ZNF385B: variants seen among roughly 807,000 people sequenced by gnomAD.
The protein encoded by ZNF385B is zinc finger protein 385B, also known as zinc finger protein 533.
Under a neutral mutation model 39.2 loss-of-function variants are expected in ZNF385B, and 23 were observed. The observed-to-expected ratio is 0.59, with a 90% confidence interval of 0.42 to 0.83. The LOEUF (loss-of-function observed/expected upper bound fraction) is 0.83, where lower values mean the gene tolerates loss of function less well. Among genes scored for constraint, ZNF385B ranks in the 40% least tolerant of loss-of-function variants. ZNF385B has a pLI of 0.00. For missense variants in ZNF385B, 552 were observed against 598.9 expected (o/e 0.92, Z 0.82); for synonymous variants, 205 against 222.6 (o/e 0.92, Z 0.70).
chr2:179,712,257 A>G (rs1329016084), intron 3 of ZNF385B, among the ~76,000 whole-genome samples: 1 of 152,192 alleles, frequency 6.6e-6, no homozygotes, highest in Non-Finnish European at 1.5e-5. Flanking sequence ...TCAAAATTTC[A>G]TAGTAAACTT....
chr2:179,785,695 C>T (rs1254476513), intron 1 of ZNF385B, among the ~76,000 whole-genome samples: 2 of 152,132 alleles, frequency 1.3e-5, no homozygotes, highest in Non-Finnish European at 2.9e-5. Flanking sequence ...TGTGACTGAA[C>T]TGCTACAATC....
intron 6 of ZNF385B, among the ~76,000 whole-genome samples, chr2:179,472,491 C>A (rs1354590429): frequency 6.6e-6 from 1 of 152,164 alleles, no homozygotes; most frequent in South Asian, 2.1e-4. Flanking sequence ...GATAGAAGTT[C>A]ATATATTTCA....
At chr2:179,710,071 G>T (rs1699891997) in intron 3 of ZNF385B, among the ~76,000 whole-genome samples, 1 of 152,178 alleles carries the variant, frequency 6.6e-6, no homozygotes, top group African/African-American at 2.4e-5. Flanking sequence ...CAGTGGGGCT[G>T]ATTGAATGGA....
chr2:179,510,073 C>T (rs1559371267), intron 5 of ZNF385B, among the ~76,000 whole-genome samples: 1 of 152,154 alleles, frequency 6.6e-6, no homozygotes, highest in Non-Finnish European at 1.5e-5. Flanking sequence ...TATACATACA[C>T]TTTATATGAA....
intron 4 of ZNF385B, among the ~76,000 whole-genome samples, chr2:179,544,482 T>C (rs1039517008): frequency 2.0e-5 from 3 of 151,894 alleles, no homozygotes; most frequent in African/African-American, 7.3e-5. Flanking sequence ...GAAAAATCAA[T>C]GAGTCTTGGT....
intron 3 of ZNF385B, among the ~76,000 whole-genome samples, chr2:179,666,020 G>A (rs952292711): frequency 1.3e-5 from 2 of 152,150 alleles, no homozygotes; most frequent in Non-Finnish European, 2.9e-5. Context: ...TATATTCAGA[G>A]GGAGATGGAC....
rs371958237 is a variant in ZNF385B, at chr2:179,443,407, G to C, written c.1304C>G (p.Pro435Arg). The C allele has an allele frequency of 8.1e-6, 13 of 1,611,864 alleles. No individual in the cohort carries two copies. The highest frequency in any genetic ancestry group is 4.0e-5 in the African/African-American group (3 of 74,886). Reference protein sequence around the residue: ...KPLAPAFLSSPLAAAAAVSSA... With the variant: ...KPLAPAFLSSRLAAAAAVSSA... The stretch of plus-strand genomic sequence containing the variant: ...GGACACGGCTGCCGCCGCTGCGAGA[G>C]GTGAGGACAGGAAGGCTGGGGCCAA... The change falls in exon 10 of 10, where the codon CCT becomes CGT. Residue 435 changes from proline (P) to arginine (R), a missense_variant. By Grantham distance (103) the Pro-to-Arg change is moderately radical. Transcript: ENST00000410066.
At chr2:179,799,698 G>A (rs1019649035) in intron 1 of ZNF385B, among the ~76,000 whole-genome samples, 1 of 152,032 alleles carries the variant, frequency 6.6e-6, no homozygotes, top group African/African-American at 2.4e-5. Context: ...CAATGCCAGA[G>A]TACTATTGTG....
Position 179,445,707 on chromosome 2 carries a change from A to G in ZNF385B, c.983T>C (p.Val328Ala). 4 of 1,612,222 alleles carry G rather than the reference A, an allele frequency of 2.5e-6. No individual in the cohort carries two copies. Among genetic ancestry groups the G allele is most frequent in the Non-Finnish European group, 3.4e-6 (4 of 1,179,310 alleles). ...HNTGSKHKTM[V>A]EARNGAGPIK... Reference sequence around the variant, plus strand: ...TGGACCAGCCCCATTACGAGCTTCAACCATGGTCTTGTGTTTAGATCCTAA... The same window carrying G: ...TGGACCAGCCCCATTACGAGCTTCAGCCATGGTCTTGTGTTTAGATCCTAA... The change falls in exon 8 of 10, where the codon GTT (valine) becomes GCT (alanine). Residue 328 changes from valine (V) to alanine (A), a missense_variant. By Grantham distance (64) the Val-to-Ala change is moderately conservative. Coordinates refer to ENST00000410066, the MANE Select transcript of ZNF385B (RefSeq NM_152520.6).
intron 9 of ZNF385B, 73 bp from the exon 10 acceptor site, chr2:179,443,541 A>C (rs547265109): frequency 8.5e-7 from 1 of 1,171,432 alleles, no homozygotes; most frequent in African/African-American, 1.5e-5. Context: ...GCATCTTTTC[A>C]TAAGTAAAAC....
intron 3 of ZNF385B, among the ~76,000 whole-genome samples, chr2:179,719,713 TA>T (rs1481295704): frequency 6.6e-6 from 1 of 152,216 alleles, no homozygotes; most frequent in Non-Finnish European, 1.5e-5. Context: ...ACATCTTCAA[TA>T]GATGTTCTTG....
At chr2:179,648,453 G>A (rs1387849778) in intron 3 of ZNF385B, among the ~76,000 whole-genome samples, 1 of 152,162 alleles carries the variant, frequency 6.6e-6, no homozygotes, top group Admixed American at 6.5e-5. Flanking sequence ...TACACTGACA[G>A]ATATAAATGG....
intron 3 of ZNF385B, among the ~76,000 whole-genome samples, chr2:179,583,384 T>G (rs1686755798): frequency 6.6e-6 from 1 of 152,178 alleles, no homozygotes; most frequent in South Asian, 2.1e-4. Context: ...TTCTAACTAA[T>G]ATAGAGAGTT....
chr2:179,616,540 G>A (rs1169420319), intron 3 of ZNF385B, among the ~76,000 whole-genome samples: 2 of 151,888 alleles, frequency 1.3e-5, no homozygotes, highest in Admixed American at 1.3e-4. Flanking sequence ...TTCTCTAAAA[G>A]ACATATTAAT....
intron 3 of ZNF385B, among the ~76,000 whole-genome samples, chr2:179,662,905 GCA>G (rs1489236804): frequency 1.3e-5 from 2 of 152,006 alleles, no homozygotes; most frequent in East Asian, 1.9e-4. Context: ...TCATTGAGGA[GCA>G]CAGTTTTAAT....
intron 6 of ZNF385B, among the ~76,000 whole-genome samples, chr2:179,465,319 A>G (rs956938751): frequency 4.6e-5 from 7 of 152,108 alleles, no homozygotes; most frequent in Non-Finnish European, 8.8e-5. Context: ...AATTCAATTC[A>G]ATGACTTCCT....
intron 1 of ZNF385B, among the ~76,000 whole-genome samples, chr2:179,779,238 G>A (rs554093440): frequency 2.1e-4 from 32 of 152,314 alleles, no homozygotes; most frequent in East Asian, 1.5e-3. Flanking sequence ...AGAATGAAGA[G>A]CAGTAGAGGG....
At chr2:179,806,513 TAG>T (rs938573324) in intron 1 of ZNF385B, among the ~76,000 whole-genome samples, 17 of 152,176 alleles carry the variant, frequency 1.1e-4, no homozygotes, top group African/African-American at 3.9e-4. Context: ...TAAGGCTGAT[TAG>T]AGCCGTTAAC....
intron 4 of ZNF385B, 103 bp from the exon 5 acceptor site, chr2:179,518,741 A>G (rs142158571): frequency 1.9e-5 from 12 of 624,824 alleles, no homozygotes; most frequent in Non-Finnish European, 2.9e-5. Flanking sequence ...TTAAACTTTT[A>G]GTTCCTAAAC....
Sources: allele counts gnomAD v4.1 joint callset (sites outside exome capture counted in the v4.1 genomes callset), GRCh38; gene constraint gnomAD v4.1.1; transcripts MANE v1.5; gene names NCBI Gene and HGNC (gene_info 2026-07-23, HGNC 2026-07-21).